FARP1: variants seen among roughly 807,000 people sequenced by gnomAD.
FARP1 encodes the protein FERM, ARH/RhoGEF and pleckstrin domain protein 1, also known as FERM, ARHGEF and pleckstrin domain-containing protein 1.
A neutral mutation model predicts 128.8 loss-of-function variants in FARP1; 52 were observed. The ratio of observed to expected loss-of-function variants is 0.40; its 90% CI spans 0.32 to 0.51. FARP1 has a LOEUF of 0.51. FARP1 is among the 20% of genes least tolerant of loss of function. FARP1 has a pLI of 0.45. For synonymous variants in FARP1, 580 were observed against 551.8 expected (o/e 1.05, Z -0.72); for missense variants, 1,333 against 1,367.9 (o/e 0.97, Z 0.40).
intron 1 of FARP1, chr13:98,159,504 T>A (rs1876724261): frequency 6.6e-6 from 1 of 150,500 alleles, no homozygotes; most frequent in Non-Finnish European, 1.5e-5. Flanking sequence ...GGAGTCTTGC[T>A]CTTGTTGCCC....
intron 19 of FARP1, 62 bp from the exon 20 acceptor site, chr13:98,438,742 T>C: frequency 1.4e-6 from 2 of 1,390,004 alleles, no homozygotes; most frequent in South Asian, 1.2e-5. Flanking sequence ...GTCTGCACAC[T>C]GGCCGTCAGC....
intron 2 of FARP1, among the ~76,000 whole-genome samples, chr13:98,325,203 A>G (rs915523267): frequency 1.4e-4 from 22 of 152,328 alleles, no homozygotes; most frequent in Admixed American, 9.8e-4. Flanking sequence ...TTTTGTTTCT[A>G]TGTTTCAACA....
intron 1 of FARP1, among the ~76,000 whole-genome samples, chr13:98,197,264 C>T (rs1392998871): frequency 7.8e-4 from 119 of 152,140 alleles, no homozygotes; most frequent in African/African-American, 2.7e-3. Flanking sequence ...GTCGGGAGTT[C>T]GAGACCAGCC....
chr13:98,379,182 TATATATA>T (rs1169446398), intron 6 of FARP1, among the ~76,000 whole-genome samples: 7 of 74,346 alleles, frequency 9.4e-5, no homozygotes, highest in East Asian at 5.0e-4. Flanking sequence ...CTATATATAA[TATATATA>T]ATATATAATA....
intron 2 of FARP1, among the ~76,000 whole-genome samples, chr13:98,232,144 G>GTTT (rs1555329634): frequency 1.8e-5 from 2 of 111,702 alleles, no homozygotes; most frequent in East Asian, 2.6e-4. Context: ...TTGTTTGGTT[G>GTTT]GTTTTTTTTT....
In FARP1 at chr13:98,160,909, C is replaced by G. The variant is rs145744167; in HGVS notation, c.-24+17417C>G. Among the ~76,000 whole-genome samples the G allele has an allele frequency of 4.9e-3, 749 of 152,158 alleles. 4 individuals carry two copies. Among genetic ancestry groups the G allele is most frequent in the African/African-American group, 0.017 (687 of 41,502 alleles). On this transcript the variant is annotated intron_variant, in intron 1 of 26. Coordinates refer to ENST00000319562, the MANE Select transcript of FARP1 (RefSeq NM_005766.4). Reference sequence around the variant, plus strand: ...GGCCAGGCTGGTCTCGAACTCCTGACCTCAGGTGATCCACCCGCTTAACCT... The same window carrying G: ...GGCCAGGCTGGTCTCGAACTCCTGAGCTCAGGTGATCCACCCGCTTAACCT...
chr13:98,311,279 A>C (rs11840970), intron 2 of FARP1, among the ~76,000 whole-genome samples: 3 of 152,148 alleles, frequency 2.0e-5, no homozygotes, highest in African/African-American at 7.2e-5. Flanking sequence ...TACTATGTCA[A>C]AGTCCCATGG....
At chr13:98,331,778 A>G (rs1398248092) in intron 2 of FARP1, 3 of 152,140 alleles carry the variant, frequency 2.0e-5, no homozygotes, top group South Asian at 4.1e-4. Context: ...CCTGAGCCCC[A>G]CAGCTAGTAA....
At chr13:98,413,178 C>T (rs72652222) in intron 16 of FARP1, among the ~76,000 whole-genome samples, 23 of 152,272 alleles carry the variant, frequency 1.5e-4, no homozygotes, top group Non-Finnish European at 3.1e-4. Context: ...AATTCATGTG[C>T]AATTCTCCTT....
chr13:98,197,698 G>C (rs565114442), intron 1 of FARP1, among the ~76,000 whole-genome samples: 1 of 151,244 alleles, frequency 6.6e-6, no homozygotes, highest in Admixed American at 6.6e-5. Context: ...GCAGTGGCGC[G>C]ATCTAGGCTC....
intron 3 of FARP1, among the ~76,000 whole-genome samples, chr13:98,350,691 C>G (rs1185435819): frequency 6.6e-6 from 1 of 152,154 alleles, no homozygotes; most frequent in Non-Finnish European, 1.5e-5. Context: ...GATCTTTTCC[C>G]TCTGTACTTT....
intron 2 of FARP1, among the ~76,000 whole-genome samples, chr13:98,253,559 C>G (rs574919409): frequency 6.6e-6 from 1 of 152,262 alleles, no homozygotes; most frequent in African/African-American, 2.4e-5. Flanking sequence ...ATGATGGTCT[C>G]CACCTCAAAA....
In FARP1 at chr13:98,450,077, G is replaced by A. The variant is rs1893115274; in HGVS notation, c.*1760G>A. The A allele has an allele frequency of 6.6e-6, 1 of 152,198 alleles. No individual in the cohort carries two copies. The highest frequency in any genetic ancestry group is 1.5e-5 in the Non-Finnish European group (1 of 68,044). 9.4% of individuals were successfully genotyped at this position (152,198 alleles called of 1,614,324 possible). ...TCCAAACTACTTGCTGGACACTGGT[G>A]GTTCTGACCTGTGACCAGCACCTCT... On this transcript the variant is annotated 3_prime_UTR_variant, in exon 27 of 27. Transcript: ENST00000319562.
intron 1 of FARP1, among the ~76,000 whole-genome samples, chr13:98,200,568 A>G (rs888065325): frequency 3.3e-5 from 5 of 152,168 alleles, no homozygotes; most frequent in African/African-American, 9.7e-5. Context: ...TCTGGGATGG[A>G]TAAGTGACTG....
At chr13:98,440,353 T>C (rs1892474117) in intron 23 of FARP1, 118 bp downstream of exon 23, 2 of 777,246 alleles carry the variant, frequency 2.6e-6, no homozygotes, top group African/African-American at 1.7e-5. Flanking sequence ...CATTTGTGTT[T>C]AAAGCCAAAG....
At position 98,270,219 on chromosome 13, in the gene FARP1, A is replaced by G. The variant is rs189478279; in HGVS notation, c.171+56806A>G. Among the ~76,000 whole-genome samples the G allele has an allele frequency of 5.1e-4, 78 of 152,340 alleles. 1 individual carries two copies. Among genetic ancestry groups the G allele is most frequent in the African/African-American group, 1.8e-3 (76 of 41,576 alleles). On this transcript the variant is annotated intron_variant, in intron 2 of 26. Transcript: ENST00000319562. Reference sequence around the variant, plus strand: ...GTGGTGCTTTCTTGCACATTTGACCATAGAAGAACATGTGTTAAGCCCATC... The same window carrying G: ...GTGGTGCTTTCTTGCACATTTGACCGTAGAAGAACATGTGTTAAGCCCATC...
chr13:98,344,540 C>G (rs543262375), intron 3 of FARP1, among the ~76,000 whole-genome samples: 1 of 152,022 alleles, frequency 6.6e-6, no homozygotes, highest in Non-Finnish European at 1.5e-5. Context: ...CAGGCAGTGC[C>G]AGAAGGTGTA....
chr13:98,376,006 C>G (rs751576708), intron 5 of FARP1, among the ~76,000 whole-genome samples: 3 of 152,104 alleles, frequency 2.0e-5, no homozygotes, highest in Non-Finnish European at 2.9e-5. Context: ...AACTAGATAT[C>G]TAAAAATCTA....
At position 98,213,219 on chromosome 13, in the gene FARP1, G is replaced by T; in HGVS notation, c.-23-1G>T. ...TTTTTCTTTCTCACTGCTTCCTGCAGATATTCTCTAAGCCGCTTTCATCAT... is the reference window on the plus strand; with the variant it reads ...TTTTTCTTTCTCACTGCTTCCTGCATATATTCTCTAAGCCGCTTTCATCAT... On this transcript the variant is annotated splice_acceptor_variant, in intron 1 of 26. Transcript: ENST00000319562. LOFTEE classifies it low-confidence loss of function (5UTR_SPLICE). The T allele has an allele frequency of 6.2e-7, 1 of 1,604,644 alleles. No individual in the cohort carries two copies. The highest frequency in any genetic ancestry group is 8.5e-7 in the Non-Finnish European group (1 of 1,176,016).
Sources: allele counts gnomAD v4.1 joint callset (sites outside exome capture counted in the v4.1 genomes callset), GRCh38; gene constraint gnomAD v4.1.1; transcripts MANE v1.5; gene names NCBI Gene and HGNC (gene_info 2026-07-23, HGNC 2026-07-21).